The following CEP85L variants were observed in gnomAD, a reference collection of about 807,000 sequenced individuals.
CEP85L encodes the protein centrosomal protein 85L.
Under a neutral mutation model 100.3 loss-of-function variants are expected in CEP85L, and 60 were observed. That is an observed-to-expected ratio of 0.60 (90% CI 0.49 to 0.74). CEP85L has a LOEUF of 0.74. Among genes scored for constraint, CEP85L ranks in the 30% least tolerant of loss-of-function variants. The probability of loss-of-function intolerance (pLI) is 0.00; values close to 1 mark genes in which losing one functional copy is unlikely to be tolerated. For synonymous variants in CEP85L, 319 were observed against 322.7 expected, an observed-to-expected ratio of 0.99 and a Z score of 0.12; for missense variants, 973 against 936.2, an observed-to-expected ratio of 1.04 and a Z score of -0.51.
At position 118,559,047 on chromosome 6, in the gene CEP85L, C is replaced by T; in HGVS notation, c.1020+6482G>A. ...ATTTCTGTCTCATCTTAATATGTCT[C>T]TTGCTGATCTGTATCATCGTGATGC... On this transcript the variant is annotated intron_variant, in intron 3 of 12. Transcript: ENST00000368491. 8 of 1,611,720 alleles carry T rather than the reference C, an allele frequency of 5.0e-6. No homozygotes were observed. The highest frequency in any genetic ancestry group is 6.8e-6 in the Non-Finnish European group (8 of 1,177,786).
intron 8 of CEP85L, 95 bp downstream of exon 8, chr6:118,481,684 G>A (rs1582879094): frequency 2.8e-6 from 2 of 724,982 alleles, no homozygotes; most frequent in East Asian, 6.8e-5. Flanking sequence ...TTTAAATTAA[G>A]GAGAATAAAA....
chr6:118,700,906 A>C (rs1174799436), intron 1 of CEP85L, among the ~76,000 whole-genome samples: 1 of 152,188 alleles, frequency 6.6e-6, no homozygotes, highest in Non-Finnish European at 1.5e-5. Context: ...GCAGTGCTAC[A>C]TGCAGGTTCT....
chr6:118,491,406 T>C, intron 6 of CEP85L: 2 of 1,008,376 alleles, frequency 2.0e-6, no homozygotes, highest in South Asian at 4.2e-5. Flanking sequence ...AATCATAGAC[T>C]CAATAAGGAA....
intron 2 of CEP85L, among the ~76,000 whole-genome samples, chr6:118,627,507 G>C (rs1305703907): frequency 6.6e-6 from 1 of 152,204 alleles, no homozygotes; most frequent in Non-Finnish European, 1.5e-5. Flanking sequence ...CAAATGCATA[G>C]AATACTTATT....
chr6:118,580,694 T>C (rs543980218), intron 2 of CEP85L, among the ~76,000 whole-genome samples: 1 of 152,338 alleles, frequency 6.6e-6, no homozygotes, highest in South Asian at 2.1e-4. Flanking sequence ...CACCCTGGTG[T>C]GACTCAAAGA....
chr6:118,571,454 AG>A (rs1779883713), intron 2 of CEP85L, among the ~76,000 whole-genome samples: 3 of 152,238 alleles, frequency 2.0e-5, no homozygotes, highest in Admixed American at 1.3e-4. Flanking sequence ...TGATAATGCA[AG>A]TGAGTTGTAT....
At chr6:118,545,116 CTCTG>C (rs1320410280) in intron 3 of CEP85L, among the ~76,000 whole-genome samples, 3 of 152,240 alleles carry the variant, frequency 2.0e-5, no homozygotes, top group East Asian at 1.9e-4. Flanking sequence ...TTTACTGTAT[CTCTG>C]TCTAAATATT....
At chr6:118,614,940 T>C (rs1201839856) in intron 2 of CEP85L, among the ~76,000 whole-genome samples, 1 of 152,236 alleles carries the variant, frequency 6.6e-6, no homozygotes, top group East Asian at 1.9e-4. Flanking sequence ...TTCTATATTA[T>C]AAATGTATTT....
intron 5 of CEP85L, chr6:118,502,167 G>C (rs1390731863): frequency 6.3e-6 from 7 of 1,112,128 alleles, no homozygotes; most frequent in Middle Eastern, 3.2e-4. Context: ...GGTTCAAAGA[G>C]GATAAAAGGA....
In CEP85L at chr6:118,532,346, G is replaced by A. The variant is rs115017528; in HGVS notation, c.1021-8426C>T. ...AAAGAAAGGAACAACAGATACCAGG[G>A]CCTACTTGATGAGGGGGGCGGGTGG... On this transcript the variant is annotated intron_variant, in intron 3 of 12. Transcript: ENST00000368491. 2.4e-3 allele frequency among the ~76,000 whole-genome samples: 367 copies of A among 152,106 alleles called. 1 individual carries two copies. Among genetic ancestry groups the A allele is most frequent in the African/African-American group, 8.5e-3 (351 of 41,494 alleles).
chr6:118,494,951 G>GT (rs1270485615), intron 5 of CEP85L, among the ~76,000 whole-genome samples: 2 of 152,144 alleles, frequency 1.3e-5, no homozygotes, highest in East Asian at 1.9e-4. Context: ...TACAGATAAC[G>GT]TAAGTGTAGA....
intron 1 of CEP85L, among the ~76,000 whole-genome samples, chr6:118,687,238 T>C (rs62423961): frequency 0.22 from 33,845 of 152,102 alleles, 4,817 homozygotes; most frequent in Non-Finnish European, 0.32. Context: ...ACCTTTGTTT[T>C]TCTTGAGACA....
intron 2 of CEP85L, among the ~76,000 whole-genome samples, chr6:118,569,287 A>G (rs989537750): frequency 1.3e-4 from 18 of 142,092 alleles, no homozygotes; most frequent in African/African-American, 4.4e-4. Context: ...GGCTGCAGTA[A>G]GCAGAGATTG....
intron 1 of CEP85L, among the ~76,000 whole-genome samples, chr6:118,658,196 T>A (rs1775862529): frequency 6.6e-6 from 1 of 152,164 alleles, no homozygotes; most frequent in African/African-American, 2.4e-5. Context: ...AATTTTCAGG[T>A]TTATGGGAGA....
At chr6:118,550,760 A>G (rs1009533257) in intron 3 of CEP85L, among the ~76,000 whole-genome samples, 7 of 151,914 alleles carry the variant, frequency 4.6e-5, no homozygotes, top group African/African-American at 1.7e-4. Context: ...AATACTGTAA[A>G]TGATATTCTA....
At chr6:118,614,867 G>C (rs1772914309) in intron 2 of CEP85L, among the ~76,000 whole-genome samples, 1 of 100,122 alleles carries the variant, frequency 1.0e-5, no homozygotes, top group African/African-American at 5.4e-5. Context: ...CAGACAGACA[G>C]ATAGATAGAT....
At chr6:118,626,185 A>G (rs1450434233) in intron 2 of CEP85L, among the ~76,000 whole-genome samples, 2 of 152,092 alleles carry the variant, frequency 1.3e-5, no homozygotes, top group Admixed American at 6.6e-5. Flanking sequence ...CTGCATCAGG[A>G]CTTACTTCAG....
intron 6 of CEP85L, among the ~76,000 whole-genome samples, chr6:118,489,997 GCACA>G (rs917764086): frequency 6.7e-6 from 1 of 149,502 alleles, no homozygotes; most frequent in Non-Finnish European, 1.5e-5. Flanking sequence ...ACACACACAC[GCACA>G]CACACACACA....
In CEP85L at chr6:118,673,889, A is replaced by T. The variant is rs983081414; in HGVS notation, c.-27-21081T>A. Among the ~76,000 whole-genome samples the T allele has an allele frequency of 5.3e-5, 8 of 152,330 alleles. No homozygotes were observed. The South Asian group carries it at 1.7e-3, about 32-fold the overall frequency. On this transcript the variant is annotated intron_variant, in intron 1 of 13. Coordinates refer to the CEP85L transcript ENST00000368488. ...TGAAAGAGTTAATAATAAAACCAAAACAAAATAAAACAAAAATCTTTAGAA... is the reference window on the plus strand; with the variant it reads ...TGAAAGAGTTAATAATAAAACCAAATCAAAATAAAACAAAAATCTTTAGAA...
Sources: gnomAD v4.1 joint callset for allele counts (sites outside exome capture counted in the v4.1 genomes callset) on GRCh38, gnomAD v4.1.1 for gene constraint, MANE v1.5 for transcripts, NCBI Gene and HGNC (gene_info 2026-07-23, HGNC 2026-07-21) for gene names.